Variants in SDK1 observed in about 807,000 individuals in gnomAD.
The protein encoded by SDK1 is protein sidekick-1.
Under a neutral mutation model 245.5 loss-of-function variants are expected in SDK1, and 157 were observed. The observed-to-expected ratio is 0.64, with a 90% CI of 0.56 to 0.73. The LOEUF (loss-of-function observed/expected upper bound fraction) is 0.73, where lower values mean the gene tolerates loss of function less well. Among genes scored for constraint, SDK1 ranks in the 30% least tolerant of loss-of-function variants. The pLI is 0.00. For missense variants in SDK1, 3,583 were observed against 3,002.3 expected, an observed-to-expected ratio of 1.19 and a Z score of -4.52; for synonymous variants, 1,647 against 1,278.5, an observed-to-expected ratio of 1.29 and a Z score of -6.15.
rs569810199 is a variant in SDK1 at position 4,235,406 on chromosome 7, C to T, written c.5992+1987C>T. Among the ~76,000 whole-genome samples the T allele has an allele frequency of 7.7e-4, 118 of 152,300 alleles. 1 individual carries two copies. The highest frequency in any genetic ancestry group is 4.8e-3 in the South Asian group (23 of 4,820). ...CTCGAACTCCTGACCTCAAGTGATCCGCCTGCCTTGGCCTCCCAAAGTGCT... is the reference window on the plus strand; with the variant it reads ...CTCGAACTCCTGACCTCAAGTGATCTGCCTGCCTTGGCCTCCCAAAGTGCT... On this transcript the variant is annotated intron_variant, in intron 41 of 44. Transcript: ENST00000404826.
intron 5 of SDK1, among the ~76,000 whole-genome samples, chr7:3,861,482 T>C (rs1780690788): frequency 6.6e-6 from 1 of 152,128 alleles, no homozygotes; most frequent in African/African-American, 2.4e-5. Flanking sequence ...ACTGAACAGT[T>C]TCCACTGACC....
chr7:3,541,037 A>G (rs912060417), intron 1 of SDK1, among the ~76,000 whole-genome samples: 1 of 152,234 alleles, frequency 6.6e-6, no homozygotes, highest in African/African-American at 2.4e-5. Context: ...CTACCAAAGA[A>G]CAGATTTCCA....
intron 4 of SDK1, among the ~76,000 whole-genome samples, chr7:3,820,811 G>T (rs535674023): frequency 6.6e-5 from 10 of 152,326 alleles, no homozygotes; most frequent in African/African-American, 2.2e-4. Context: ...GAATCAGGAT[G>T]AATGAGAAGG....
At chr7:3,480,420 G>T (rs1261183239) in intron 1 of SDK1, among the ~76,000 whole-genome samples, 1 of 151,136 alleles carries the variant, frequency 6.6e-6, no homozygotes, top group East Asian at 1.9e-4. Flanking sequence ...CTGCACATAC[G>T]CTCATGTAGG....
Position 4,183,663 on chromosome 7 carries a change from A to T in SDK1, c.5098+5077A>T, listed in dbSNP as rs1782722198. Among the ~76,000 whole-genome samples, 3 of 151,646 alleles carry T rather than the reference A, an allele frequency of 2.0e-5. No homozygotes were observed. In the South Asian group the frequency reaches 6.3e-4, roughly 32 times the overall value. ...CTCAAAAAAAAAAAAAAAAAAAGAA[A>T]GTATGCTTATATTTTAGCCGAGTTC... On this transcript the variant is annotated intron_variant, in intron 35 of 44. Transcript: ENST00000404826.
chr7:3,919,066 C>T (rs575084979), intron 5 of SDK1, among the ~76,000 whole-genome samples: 1 of 152,182 alleles, frequency 6.6e-6, no homozygotes. Flanking sequence ...ATAATGTATG[C>T]TATCACTAAT....
chr7:3,553,589 T>C (rs1419863074), intron 1 of SDK1, among the ~76,000 whole-genome samples: 1 of 152,062 alleles, frequency 6.6e-6, no homozygotes, highest in Non-Finnish European at 1.5e-5. Context: ...GGCTGCTTCC[T>C]TTTTTTATTC....
At chr7:3,537,805 TAGA>T (rs1778930164) in intron 1 of SDK1, among the ~76,000 whole-genome samples, 2 of 152,136 alleles carry the variant, frequency 1.3e-5, no homozygotes, top group Non-Finnish European at 2.9e-5. Flanking sequence ...CTCTTCTGCC[TAGA>T]AGGTGATAGC....
At chr7:4,014,769 C>T (rs994789920) in intron 16 of SDK1, among the ~76,000 whole-genome samples, 2 of 152,120 alleles carry the variant, frequency 1.3e-5, no homozygotes, top group Non-Finnish European at 2.9e-5. Context: ...CTGAGATGGT[C>T]TCCTGGGCAA....
chr7:3,378,125 G>GT (rs1781399207), intron 1 of SDK1, among the ~76,000 whole-genome samples: 1 of 152,174 alleles, frequency 6.6e-6, no homozygotes, highest in African/African-American at 2.4e-5. Context: ...ACTCTTGCCT[G>GT]TATTTGTTGG....
intron 5 of SDK1, among the ~76,000 whole-genome samples, chr7:3,888,037 T>A (rs1781377496): frequency 6.6e-6 from 1 of 152,196 alleles, no homozygotes; most frequent in South Asian, 2.1e-4. Context: ...TGGTCTATAT[T>A]TCTTTTAAAT....
At chr7:3,922,744 G>T (rs536620134) in intron 5 of SDK1, among the ~76,000 whole-genome samples, 1 of 152,272 alleles carries the variant, frequency 6.6e-6, no homozygotes, top group South Asian at 2.1e-4. Context: ...GTGGTGGGGC[G>T]CTCCCTTTGC....
intron 14 of SDK1, among the ~76,000 whole-genome samples, chr7:4,009,357 T>C (rs979563014): frequency 6.6e-6 from 1 of 152,230 alleles, no homozygotes; most frequent in African/African-American, 2.4e-5. Flanking sequence ...CCTTTCGTCT[T>C]CTGCATTGAC....
intron 1 of SDK1, among the ~76,000 whole-genome samples, chr7:3,605,993 G>C (rs903004054): frequency 1.3e-5 from 2 of 151,902 alleles, no homozygotes; most frequent in African/African-American, 2.4e-5. Context: ...TAATTTCTAA[G>C]GTGTTAATTT....
chr7:4,061,715 A>T (rs1409866255), intron 19 of SDK1, among the ~76,000 whole-genome samples: 1 of 152,118 alleles, frequency 6.6e-6, no homozygotes, highest in African/African-American at 2.4e-5. Context: ...CACAATAGCA[A>T]AGACTTTGAA....
At chr7:3,469,310 C>T (rs1046196928) in intron 1 of SDK1, among the ~76,000 whole-genome samples, 6 of 152,038 alleles carry the variant, frequency 3.9e-5, no homozygotes, top group African/African-American at 9.7e-5. Flanking sequence ...ACACACTTGT[C>T]GTCCCAGATA....
At chr7:3,939,400 C>T (rs1780275218) in intron 5 of SDK1, among the ~76,000 whole-genome samples, 1 of 152,140 alleles carries the variant, frequency 6.6e-6, no homozygotes, top group Non-Finnish European at 1.5e-5. Flanking sequence ...AGGGGCTGGG[C>T]CAGTACAGAT....
intron 5 of SDK1, among the ~76,000 whole-genome samples, chr7:3,836,925 G>A (rs1438298341): frequency 6.6e-6 from 1 of 152,166 alleles, no homozygotes; most frequent in Non-Finnish European, 1.5e-5. Flanking sequence ...CTCTTAGAGA[G>A]CCACCTTTCC....
chr7:4,093,411 A>G (rs1781928333), intron 22 of SDK1, among the ~76,000 whole-genome samples: 1 of 150,550 alleles, frequency 6.6e-6, no homozygotes, highest in African/African-American at 2.5e-5. Flanking sequence ...TGCTAGTGGT[A>G]ACACTTTAGG....
Sources: allele counts gnomAD v4.1 joint callset (sites outside exome capture counted in the v4.1 genomes callset), GRCh38; gene constraint gnomAD v4.1.1; transcripts MANE v1.5; gene names NCBI Gene and HGNC (gene_info 2026-07-23, HGNC 2026-07-21).